The following TRAPPC2L variants were observed in gnomAD, a reference collection of about 807,000 sequenced individuals.
TRAPPC2L encodes trafficking protein particle complex subunit 2-like protein.
A neutral mutation model predicts 13.2 loss-of-function variants in TRAPPC2L; 17 were observed. That is an observed-to-expected ratio of 1.29 (90% CI 0.88 to 1.93). TRAPPC2L has a LOEUF of 1.93. Among genes scored for constraint, TRAPPC2L ranks in the 30% most tolerant of loss-of-function variants. The pLI is 0.00. For missense variants in TRAPPC2L, 359 were observed against 252.1 expected (o/e 1.42, Z -2.87); for synonymous variants, 150 against 98.1 (o/e 1.53, Z -3.12).
At chr16:88,859,536 A>G (rs763927664) in intron 2 of TRAPPC2L, 127 bp from the exon 3 acceptor site, 7 of 931,352 alleles carry the variant, frequency 7.5e-6, no homozygotes, top group Non-Finnish European at 1.2e-5. Flanking sequence ...CGGCCACTGC[A>G]GGACCAGCCC....
chr16:88,856,559 C>T, upstream of TRAPPC2L: 1 of 661,632 alleles, frequency 1.5e-6, no homozygotes, highest in Non-Finnish European at 2.7e-6. Context: ...CCCGAGGGGC[C>T]TCCCCCTCCC....
intron 1 of TRAPPC2L, among the ~76,000 whole-genome samples, chr16:88,857,929 C>T (rs1260418657): frequency 6.6e-6 from 1 of 152,226 alleles, no homozygotes; most frequent in Non-Finnish European, 1.5e-5. Flanking sequence ...CTCGAGACCG[C>T]TCCCTGCTGG....
At chr16:88,859,791 T>C (rs369170816) in intron 3 of TRAPPC2L, 41 bp downstream of exon 3, 207 of 1,593,870 alleles carry the variant, frequency 1.3e-4, no homozygotes, top group Non-Finnish European at 1.4e-5. Context: ...AGTGGGTGTT[T>C]TGTTTTTCCT....
At chr16:88,861,639 T>C (rs746132631) in exon 4 of TRAPPC2L, 4 of 498,662 alleles carry the variant, frequency 8.0e-6, no homozygotes, top group Non-Finnish European at 1.6e-5. Context: ...CTTGATGACG[T>C]GGCTGACTAC....
chr16:88,859,395 A>C, intron 2 of TRAPPC2L: 1 of 697,928 alleles, frequency 1.4e-6, no homozygotes, highest in East Asian at 2.7e-5. Context: ...GGTGTTCCAG[A>C]CAGACAGACT....
chr16:88,857,013 C>T, upstream of TRAPPC2L: 3 of 1,388,218 alleles, frequency 2.2e-6, no homozygotes, highest in South Asian at 3.2e-5. Context: ...CGCGGAGGGA[C>T]GGGAGGCGGG....
intron 1 of TRAPPC2L, 41 bp downstream of exon 1, chr16:88,857,224 C>T (rs1967988857): frequency 4.1e-6 from 6 of 1,469,364 alleles, no homozygotes; most frequent in Non-Finnish European, 5.5e-6. Context: ...TCGCACCATC[C>T]TCGGCTCTCC....
chr16:88,858,589 C>T, intron 1 of TRAPPC2L, 30 bp from the exon 2 acceptor site: 1 of 1,606,308 alleles, frequency 6.2e-7, no homozygotes, highest in Non-Finnish European at 8.5e-7. Flanking sequence ...GGAGTCTTGT[C>T]CTTTCAGTCG....
chr16:88,857,008 A>G, upstream of TRAPPC2L: 1 of 1,386,040 alleles, frequency 7.2e-7, no homozygotes, highest in Non-Finnish European at 9.3e-7. Flanking sequence ...GAGTCCGCGG[A>G]GGGACGGGAG....
chr16:88,859,837 A>C, intron 3 of TRAPPC2L, 56 bp from the exon 4 acceptor site: 1 of 1,583,554 alleles, frequency 6.3e-7, no homozygotes, highest in Non-Finnish European at 8.6e-7. Context: ...GAAACTAAAA[A>C]TCTGGCAGTG....
exon 2 of TRAPPC2L, chr16:88,858,744 G>C (rs746708747): frequency 1.6e-5 from 26 of 1,613,512 alleles, no homozygotes; most frequent in Non-Finnish European, 2.0e-5. Context: ...TGGTCGACCA[G>C]AGGGAGCTGT....
chr16:88,856,534 A>AC, upstream of TRAPPC2L: 3 of 691,390 alleles, frequency 4.3e-6, no homozygotes, highest in South Asian at 4.5e-5. Flanking sequence ...CCACGCCTGG[A>AC]CCCCGCGGCC....
At chr16:88,856,909 G>A (rs556283159), upstream of TRAPPC2L, 927 of 1,497,858 alleles carry the variant, frequency 6.2e-4, 8 homozygotes, top group African/African-American at 0.012. Flanking sequence ...GCCCCGGCCA[G>A]CGAGCCGACC....
upstream of TRAPPC2L, chr16:88,856,237 C>G (rs941950304): frequency 5.7e-6 from 4 of 702,948 alleles, no homozygotes; most frequent in African/African-American, 5.2e-5. Context: ...AGGACAGAGA[C>G]AGCCGTCAGG....
At chr16:88,860,656 C>CT in exon 4 of TRAPPC2L, 1 of 598,760 alleles carries the variant, frequency 1.7e-6, no homozygotes, top group African/African-American at 1.9e-5. Flanking sequence ...CACCACCGCT[C>CT]TGCCTGCCCA....
upstream of TRAPPC2L, chr16:88,857,004 G>A (rs1174674709): frequency 9.4e-6 from 13 of 1,389,372 alleles, no homozygotes; most frequent in African/African-American, 3.1e-5. Flanking sequence ...GCCAGAGTCC[G>A]CGGAGGGACG....
At chr16:88,856,520 G>A (rs970829055), upstream of TRAPPC2L, 2 of 697,510 alleles carry the variant, frequency 2.9e-6, no homozygotes, top group Non-Finnish European at 5.2e-6. Context: ...TGACCGCCGA[G>A]ACCCCACGCC....
exon 1 of TRAPPC2L, chr16:88,857,150 G>C (rs765020382): frequency 1.9e-6 from 3 of 1,582,182 alleles, no homozygotes; most frequent in Non-Finnish European, 2.6e-6. Flanking sequence ...AGCCTCCCAA[G>C]ATGGCGGTGT....
chr16:88,856,533 G>C (rs1194161676), upstream of TRAPPC2L: 1 of 696,602 alleles, frequency 1.4e-6, no homozygotes. Flanking sequence ...CCCACGCCTG[G>C]ACCCCGCGGC....
Sources: allele counts gnomAD v4.1 joint callset (sites outside exome capture counted in the v4.1 genomes callset), GRCh38; gene constraint gnomAD v4.1.1; transcripts MANE v1.5; gene names NCBI Gene and HGNC (gene_info 2026-07-23, HGNC 2026-07-21).